The following OSBP2 variants were observed in gnomAD, a reference collection of about 807,000 sequenced individuals.
OSBP2 encodes the protein oxysterol binding protein 2, also known as oxysterol-binding protein 2.
A neutral mutation model predicts 96.0 loss-of-function variants in OSBP2; 66 were observed. The ratio of observed to expected loss-of-function variants is 0.69; its 90% CI spans 0.56 to 0.84. OSBP2 has a LOEUF of 0.84. OSBP2 is among the 40% of genes least tolerant of loss of function. The probability of loss-of-function intolerance (pLI) is 0.00; values close to 1 mark genes in which losing one functional copy is unlikely to be tolerated. For synonymous variants in OSBP2, 525 were observed against 520.9 expected, an observed-to-expected ratio of 1.01 and a Z score of -0.11; for missense variants, 1,038 against 1,222.7, an observed-to-expected ratio of 0.85 and a Z score of 2.25.
chr22:30,830,202 A>C (rs1449804391), intron 2 of OSBP2, among the ~76,000 whole-genome samples: 1 of 152,256 alleles, frequency 6.6e-6, no homozygotes, highest in Non-Finnish European at 1.5e-5. Flanking sequence ...GAGCAATATG[A>C]ATAAAAATGA....
At chr22:30,742,867 G>C (rs2089957529) in intron 2 of OSBP2, among the ~76,000 whole-genome samples, 1 of 152,172 alleles carries the variant, frequency 6.6e-6, no homozygotes, top group Admixed American at 6.5e-5. Flanking sequence ...AAGCCGGCTT[G>C]CTGGGTCAGT....
chr22:30,734,705 A>G (rs570773707), intron 1 of OSBP2, among the ~76,000 whole-genome samples: 1 of 152,364 alleles, frequency 6.6e-6, no homozygotes, highest in South Asian at 2.1e-4. Flanking sequence ...AAAGGTAAAA[A>G]TAATACCTTG....
chr22:30,776,291 A>G (rs1255264263), intron 2 of OSBP2, among the ~76,000 whole-genome samples: 1 of 151,286 alleles, frequency 6.6e-6, no homozygotes, highest in Admixed American at 6.6e-5. Flanking sequence ...ATGCCTGGCT[A>G]ATTTTTTATT....
chr22:30,738,178 A>G (rs537543582), intron 1 of OSBP2, among the ~76,000 whole-genome samples: 22 of 151,716 alleles, frequency 1.5e-4, no homozygotes, highest in Non-Finnish European at 2.1e-4. Flanking sequence ...ACTCTGGCCA[A>G]AGGACCTTTC....
rs987640203 is a variant in OSBP2, at chr22:30,791,606, C to T, written c.853+50237C>T. ...CCTCCCAAAGTGCTGGGATTACAGG[C>T]GAGAGCCACCGTGCCCCGCTCATAT... On this transcript the variant is annotated intron_variant, in intron 2 of 13. Transcript: ENST00000332585. Among the ~76,000 whole-genome samples the T allele has an allele frequency of 7.9e-5, 12 of 152,180 alleles. No individual in the cohort carries two copies. The South Asian group carries it at 1.5e-3, about 18-fold the overall frequency.
intron 2 of OSBP2, among the ~76,000 whole-genome samples, chr22:30,837,722 C>G (rs536199042): frequency 6.6e-6 from 1 of 152,232 alleles, no homozygotes; most frequent in Non-Finnish European, 1.5e-5. Context: ...TCGGGGTGAG[C>G]AAAGCCCAGG....
In OSBP2 at chr22:30,870,333, G is replaced by A; in HGVS notation, c.854-96G>A. 1 of 1,272,534 alleles carries A rather than the reference G, an allele frequency of 7.9e-7. No homozygotes were observed. Among genetic ancestry groups the A allele is most frequent in the Non-Finnish European group, 1.1e-6 (1 of 910,448 alleles). The allele number at this position is 1,272,534 out of a possible 1,614,324, so 78.8% of individuals were successfully genotyped here. ...TCTCGGGGACTGATGTTTTTTGAAT[G>A]GCGCTATCCACCCTGCCCTGCTCGG... On this transcript the variant is annotated intron_variant, in intron 2 of 13. Transcript: ENST00000332585. The surrounding 1 kb of genome is among the most constrained non-coding windows in gnomAD (Gnocchi z 4.1).
chr22:30,900,891 T>C (rs1453286937), intron 12 of OSBP2, among the ~76,000 whole-genome samples: 1 of 152,222 alleles, frequency 6.6e-6, no homozygotes, highest in East Asian at 1.9e-4. Context: ...CATATTAAAA[T>C]ACTTTTGTTC....
chr22:30,803,497 G>A (rs986951948), intron 2 of OSBP2, among the ~76,000 whole-genome samples: 5 of 152,210 alleles, frequency 3.3e-5, no homozygotes, highest in Admixed American at 6.5e-5. Flanking sequence ...GGTGCCACAG[G>A]GGGGACAGCT....
At position 30,889,507 on chromosome 22, in the gene OSBP2, G is replaced by A. The variant is rs377112023; in HGVS notation, c.1494G>A (p.Ser498=). 31 of 1,613,930 alleles carry A rather than the reference G, an allele frequency of 1.9e-5. No individual in the cohort carries two copies. Among genetic ancestry groups the A allele is most frequent in the African/African-American group, 4.0e-5 (3 of 74,894 alleles). The change falls in exon 7 of 14, where the codon TCG becomes TCA. Residue 498 remains serine (S), a synonymous_variant. Transcript: ENST00000332585. ...SSADNVLDGA[S]LVPKGSSKVK... The stretch of plus-strand genomic sequence containing the variant: ...TGTGGCAGGTACTAGATGGTGCCTC[G>A]CTCGTGCCCAAGGGTTCATCCAAAG...
chr22:30,732,866 G>A (rs1170524839), intron 1 of OSBP2, among the ~76,000 whole-genome samples: 1 of 152,200 alleles, frequency 6.6e-6, no homozygotes, highest in African/African-American at 2.4e-5. Flanking sequence ...AGTGCAGCTG[G>A]GTTCCTGTGA....
intron 2 of OSBP2, among the ~76,000 whole-genome samples, chr22:30,796,491 A>AT (rs949801722): frequency 6.6e-6 from 1 of 151,808 alleles, no homozygotes; most frequent in Non-Finnish European, 1.5e-5. Context: ...ATTGGGTTTA[A>AT]TTTTTTTTAA....
intron 2 of OSBP2, among the ~76,000 whole-genome samples, chr22:30,744,902 A>G (rs2089979581): frequency 6.6e-6 from 1 of 152,246 alleles, no homozygotes; most frequent in African/African-American, 2.4e-5. Context: ...AACATTTTTC[A>G]GGATAGACCA....
At chr22:30,794,394 A>G (rs2145830971) in intron 2 of OSBP2, among the ~76,000 whole-genome samples, 1 of 151,298 alleles carries the variant, frequency 6.6e-6, no homozygotes, top group South Asian at 2.1e-4. Context: ...CCTCCTGAGT[A>G]GCTGAGATGA....
At chr22:30,839,055 G>T (rs1294540039) in intron 2 of OSBP2, among the ~76,000 whole-genome samples, 9 of 133,024 alleles carry the variant, frequency 6.8e-5, no homozygotes, top group Non-Finnish European at 1.4e-4. Context: ...GTGTCCATGT[G>T]TTCTCATTGT....
intron 2 of OSBP2, among the ~76,000 whole-genome samples, chr22:30,742,718 G>A (rs2089955773): frequency 6.6e-6 from 1 of 152,182 alleles, no homozygotes; most frequent in Non-Finnish European, 1.5e-5. Flanking sequence ...GTGGACCATA[G>A]TTTATGTAAC....
Position 30,905,826 on chromosome 22 carries a change from C to G in OSBP2, c.2376-11C>G. On this transcript the variant is annotated splice_polypyrimidine_tract_variant and intron_variant, in intron 12 of 13. Coordinates refer to ENST00000332585, the MANE Select transcript of OSBP2 (RefSeq NM_030758.4). ...CCGCAGCCACCGCCACCGCCACCAC[C>G]ACCGCCACAGGGAGAACGCGGAGAA... 1 of 1,612,348 alleles carries G rather than the reference C, an allele frequency of 6.2e-7. No individual in the cohort carries two copies. The highest frequency in any genetic ancestry group is 2.2e-5 in the East Asian group (1 of 44,812).
chr22:30,858,604 G>C (rs943669929), intron 2 of OSBP2, among the ~76,000 whole-genome samples: 4 of 150,700 alleles, frequency 2.7e-5, no homozygotes, highest in Non-Finnish European at 5.9e-5. Context: ...CCTGGCCAGG[G>C]ACGGTGGCTC....
chr22:30,848,437 C>G (rs1412421247), intron 2 of OSBP2, among the ~76,000 whole-genome samples: 1 of 151,960 alleles, frequency 6.6e-6, no homozygotes, highest in African/African-American at 2.4e-5. Context: ...TTTAAATCAA[C>G]CTTATTATTA....
Sources: gnomAD v4.1 joint callset for allele counts (sites outside exome capture counted in the v4.1 genomes callset) on GRCh38, gnomAD v4.1.1 for gene constraint, Gnocchi (gnomAD v3.1) non-coding constraint, MANE v1.5 for transcripts, NCBI Gene and HGNC (gene_info 2026-07-23, HGNC 2026-07-21) for gene names.